Variants in FSIP2 observed in about 807,000 individuals in gnomAD.
FSIP2 encodes fibrous sheath interacting protein 2.
In FSIP2, 367 loss-of-function variants were observed where a neutral mutation model predicts 510.5. The ratio of observed to expected loss-of-function variants is 0.72; its 90% CI spans 0.66 to 0.78. The LOEUF (loss-of-function observed/expected upper bound fraction) is 0.78, where lower values mean the gene tolerates loss of function less well. Ranked by LOEUF, FSIP2 falls within the 30% of genes least tolerant of loss-of-function variation. FSIP2 has a pLI of 0.00. For missense variants in FSIP2, 7,594 were observed against 7,901.7 expected (o/e 0.96, Z 1.48); for synonymous variants, 2,601 against 2,732.2 (o/e 0.95, Z 1.50).
intron 1 of FSIP2, 161 bp downstream of exon 1, chr2:185,739,154 G>C: frequency 8.5e-7 from 1 of 1,174,132 alleles, no homozygotes; most frequent in Non-Finnish European, 1.2e-6. Context: ...GGCTCGGACT[G>C]TACCGGCCGC....
chr2:185,782,775 G>C lies in FSIP2; in HGVS notation c.1469+13G>C. ...TTTACACAAATATGTAAGTACCTAA[G>C]GAATTATATATAATCATAACTAATT... is the stretch of plus-strand genomic sequence containing the variant. On this transcript the variant is annotated intron_variant, in intron 14 of 22. Coordinates refer to ENST00000424728, the MANE Select transcript of FSIP2 (RefSeq NM_173651.4). The C allele has an allele frequency of 7.6e-7, 1 of 1,318,802 alleles. No homozygotes were observed. The allele number at this position is 1,318,802 out of a possible 1,614,324, so 81.7% of individuals were successfully genotyped here. A position where few individuals can be genotyped will look rare whatever the true frequency, so the allele number is the denominator to read the frequency against.
rs1454029320 is a variant in FSIP2 at position 185,746,728 on chromosome 2, G to T, written c.677G>T (p.Arg226Leu). Residue 226 changes from arginine to leucine, a missense_variant, in exon 6 of 23, where the codon CGC becomes CTC. Coordinates refer to ENST00000424728, the MANE Select transcript of FSIP2 (RefSeq NM_173651.4). ...EQLERTAEEQ[R>L]LFLMDREERR... ...CTTGAACGCACAGCAGAAGAACAACGCCTATTCCTAATGGATAGAGAAGAA... is the reference window on the plus strand; with the variant it reads ...CTTGAACGCACAGCAGAAGAACAACTCCTATTCCTAATGGATAGAGAAGAA... The T allele has an allele frequency of 2.6e-6, 4 of 1,531,944 alleles. No homozygotes were observed. In the Admixed American group the frequency reaches 6.0e-5, roughly 23 times the overall value. 94.9% of individuals were successfully genotyped at this position (1,531,944 alleles called of 1,614,324 possible). A position where few individuals can be genotyped will look rare whatever the true frequency, so the allele number is the denominator to read the frequency against.
rs1222018359 is a variant in FSIP2 at position 185,803,187 on chromosome 2, C to T, written c.13881C>T (p.Ile4627=). The T allele has an allele frequency of 1.3e-6, 2 of 1,532,538 alleles. No individual in the cohort carries two copies. Among genetic ancestry groups the T allele is most frequent in the Non-Finnish European group, 1.7e-6 (2 of 1,144,780 alleles). The allele number at this position is 1,532,538 out of a possible 1,614,324, so 94.9% of individuals were successfully genotyped here. Residue 4627 remains isoleucine, a synonymous_variant, in exon 17 of 23, where the codon ATC becomes ATT. Coordinates refer to ENST00000424728, the MANE Select transcript of FSIP2 (RefSeq NM_173651.4). Reference sequence around the variant, plus strand: ...CTTCAACATTCTTGGAAGATGTAATCTCTGGGGTTTTAAGAAAAATATTCC... The same window carrying T: ...CTTCAACATTCTTGGAAGATGTAATTTCTGGGGTTTTAAGAAAAATATTCC... ...VYSSTFLEDV[I]SGVLRKIFHR...
At chr2:185,767,331 TA>T (rs1231629031) in intron 13 of FSIP2, among the ~76,000 whole-genome samples, 1 of 151,020 alleles carries the variant, frequency 6.6e-6, no homozygotes, top group Non-Finnish European at 1.5e-5. Context: ...AAAATAAAAA[TA>T]AAAAAATAAA....
Position 185,807,808 on chromosome 2 carries a change from C to A in FSIP2, c.18502C>A (p.Pro6168Thr). Residue 6168 changes from proline to threonine, a missense_variant, in exon 17 of 23, where the codon CCT becomes ACT. Physicochemically the swap from Pro to Thr is conservative, Grantham distance 38 (BLOSUM62 -1). Coordinates refer to ENST00000424728, the MANE Select transcript of FSIP2 (RefSeq NM_173651.4). ...FQTTDVPLPK[P>T]SHADKLSYNI... ...AACTACTGATGTGCCCCTACCTAAA[C>A]CTTCACATGCTGATAAGCTGTCTTA... 2 of 1,612,572 alleles carry A rather than the reference C, an allele frequency of 1.2e-6. No homozygotes were observed. Among genetic ancestry groups the A allele is most frequent in the East Asian group, 2.2e-5 (1 of 44,776 alleles).
intron 7 of FSIP2, 151 bp from the exon 8 acceptor site, chr2:185,753,571 T>C (rs1035924499): frequency 6.6e-6 from 3 of 454,474 alleles, no homozygotes; most frequent in African/African-American, 6.1e-5. Flanking sequence ...AATGGAAATT[T>C]GCCCCTTACT....
chr2:185,802,050 C>G lies in FSIP2; in HGVS notation c.12744C>G (p.Ser4248Arg). 6.5e-7 allele frequency: 1 copy of G among 1,532,612 alleles called. No individual in the cohort carries two copies. Among genetic ancestry groups the G allele is most frequent in the Non-Finnish European group, 8.7e-7 (1 of 1,144,900 alleles). 94.9% of individuals were successfully genotyped at this position (1,532,612 alleles called of 1,614,324 possible). A position where few individuals can be genotyped will look rare whatever the true frequency, so the allele number is the denominator to read the frequency against. Residue 4248 changes from serine to arginine, a missense_variant, in exon 17 of 23, where the codon AGC (serine) becomes AGG (arginine). Ser to Arg is a moderately radical substitution (Grantham distance 110, BLOSUM62 -1). Coordinates refer to ENST00000424728, the MANE Select transcript of FSIP2 (RefSeq NM_173651.4). ...RSPIMIDQIA[S>R]FIIQEIIENH... The stretch of plus-strand genomic sequence containing the variant: ...CAATTATGATTGACCAAATAGCCAG[C>G]TTTATCATCCAAGAGATTATCGAAA...
intron 13 of FSIP2, among the ~76,000 whole-genome samples, chr2:185,775,711 T>A (rs989021905): frequency 1.4e-4 from 21 of 152,214 alleles, no homozygotes; most frequent in African/African-American, 5.1e-4. Flanking sequence ...TCACCCAGGC[T>A]GAAGTACAGT....
chr2:185,760,956 A>C, intron 9 of FSIP2, 32 bp from the exon 10 acceptor site: 2 of 856,228 alleles, frequency 2.3e-6, no homozygotes, highest in Non-Finnish European at 3.5e-6. Flanking sequence ...AAAAAAAAAA[A>C]ACTATAGAGT....
At position 185,738,887 on chromosome 2, in the gene FSIP2, T is replaced by C; in HGVS notation, c.-8T>C. On this transcript the variant is annotated 5_prime_UTR_variant, in exon 1 of 23. Transcript: ENST00000424728. ...GGTGAGGAAGGGGCTGAGGGGGCTG[T>C]GCCGGCCATGGAGCTGTACCTCGGC... 6.5e-7 allele frequency: 1 copy of C among 1,535,324 alleles called. No homozygotes were observed. Among genetic ancestry groups the C allele is most frequent in the Non-Finnish European group, 8.7e-7 (1 of 1,146,698 alleles).
chr2:185,769,475 A>AT lies in FSIP2; in HGVS notation c.1411+4918dup, dbSNP rs957300229. On this transcript the variant is annotated intron_variant, in intron 13 of 22. Coordinates refer to ENST00000424728, the MANE Select transcript of FSIP2 (RefSeq NM_173651.4). ...TATCCTTTGCCCTCTTTTTAATGGA[A>AT]TTTTTTTTCTTATAAATTTAAGTTA... Among the ~76,000 whole-genome samples, 10 of 150,936 alleles carry AT rather than the reference A, an allele frequency of 6.6e-5. No homozygotes were observed. The East Asian group carries it at 7.8e-4, about 12-fold the overall frequency.
intron 11 of FSIP2, among the ~76,000 whole-genome samples, chr2:185,762,931 C>T (rs1692385286): frequency 1.3e-5 from 2 of 151,406 alleles, no homozygotes; most frequent in African/African-American, 4.8e-5. Context: ...TGGCATAAAA[C>T]ATTAAATAAG....
intron 22 of FSIP2, among the ~76,000 whole-genome samples, chr2:185,832,123 C>T (rs34091294): frequency 0.069 from 10,535 of 151,852 alleles, 465 homozygotes; most frequent in Middle Eastern, 0.12. Context: ...CAGGCATTAG[C>T]TATTCACATT....
At position 185,802,538 on chromosome 2, in the gene FSIP2, C is replaced by T; in HGVS notation, c.13232C>T (p.Ala4411Val). 1 of 1,529,896 alleles carries T rather than the reference C, an allele frequency of 6.5e-7. No homozygotes were observed. 94.8% of individuals were successfully genotyped at this position (1,529,896 alleles called of 1,614,324 possible). A position where few individuals can be genotyped will look rare whatever the true frequency, so the allele number is the denominator to read the frequency against. Residue 4411 changes from alanine to valine, a missense_variant, in exon 17 of 23, where the codon GCA (alanine) becomes GTA (valine). By Grantham distance (64) the Ala-to-Val change is moderately conservative. Transcript: ENST00000424728. ...FVENITNLIV[A>V]AISDYLLHPL... ...GAAAATATTACCAATTTAATTGTAGCAGCTATTTCAGATTACCTTCTTCAT... is the reference window on the plus strand; with the variant it reads ...GAAAATATTACCAATTTAATTGTAGTAGCTATTTCAGATTACCTTCTTCAT...
intron 6 of FSIP2, 37 bp from the exon 7 acceptor site, chr2:185,747,276 G>GCA: frequency 8.9e-7 from 1 of 1,122,446 alleles, no homozygotes; most frequent in Non-Finnish European, 1.3e-6. Context: ...GTTGTGAAAG[G>GCA]CACACACACC....
At chr2:185,750,005 T>A (rs918182908) in intron 7 of FSIP2, among the ~76,000 whole-genome samples, 3 of 151,754 alleles carry the variant, frequency 2.0e-5, no homozygotes, top group Admixed American at 6.6e-5. Context: ...GAACAAAAGA[T>A]CATTAAACAA....
At position 185,744,412 on chromosome 2, in the gene FSIP2, G is replaced by A; in HGVS notation, c.477+1G>A. 2.3e-6 allele frequency: 2 copies of A among 877,440 alleles called. No individual in the cohort carries two copies. The highest frequency in any genetic ancestry group is 1.8e-5 in the African/African-American group (1 of 57,060). The allele number at this position is 877,440 out of a possible 1,614,324, so 54.4% of individuals were successfully genotyped here. A position where few individuals can be genotyped will look rare whatever the true frequency, so the allele number is the denominator to read the frequency against. The stretch of plus-strand genomic sequence containing the variant: ...TGAGAGAAACTATATAAAAGAACAA[G>A]TAAGTTAAATACTTAAATTTGGTTT... On this transcript the variant is annotated splice_donor_variant, in intron 4 of 22. Coordinates refer to ENST00000424728, the MANE Select transcript of FSIP2 (RefSeq NM_173651.4). LOFTEE classifies it high-confidence loss of function.
chr2:185,819,671 A>G (rs993878463), intron 19 of FSIP2, among the ~76,000 whole-genome samples: 2 of 151,970 alleles, frequency 1.3e-5, no homozygotes, highest in African/African-American at 2.4e-5. Flanking sequence ...GTGTGAAAGC[A>G]ATACACATTC....
intron 18 of FSIP2, among the ~76,000 whole-genome samples, chr2:185,814,327 T>A (rs1693793586): frequency 6.6e-6 from 1 of 152,062 alleles, no homozygotes; most frequent in Non-Finnish European, 1.5e-5. Flanking sequence ...ACAGTTGGTT[T>A]CCACCCTTTT....
Sources: allele counts gnomAD v4.1 joint callset (sites outside exome capture counted in the v4.1 genomes callset), GRCh38; gene constraint gnomAD v4.1.1; transcripts MANE v1.5; gene names NCBI Gene and HGNC (gene_info 2026-07-23, HGNC 2026-07-21).